The following ADAMTS12 variants were observed in gnomAD, a reference collection of about 807,000 sequenced individuals.
ADAMTS12 encodes ADAM metallopeptidase with thrombospondin type 1 motif 12, also known as A disintegrin and metalloproteinase with thrombospondin motifs 12.
A neutral mutation model predicts 167.8 loss-of-function variants in ADAMTS12; 118 were observed. The observed-to-expected ratio is 0.70, with a 90% CI of 0.61 to 0.82. ADAMTS12 has a LOEUF of 0.82. ADAMTS12 is among the 40% of genes least tolerant of loss of function. ADAMTS12 has a pLI of 0.00. For synonymous variants in ADAMTS12, 704 were observed against 716.9 expected (o/e 0.98, Z 0.29); for missense variants, 1,916 against 1,998.8 (o/e 0.96, Z 0.79).
At chr5:33,891,499 TAA>T (rs1251601374) in intron 1 of ADAMTS12, 3 of 570,010 alleles carry the variant, frequency 5.3e-6, no homozygotes, top group Admixed American at 6.3e-5. Flanking sequence ...GTCATCCCTG[TAA>T]AAGAGTGAGG....
chr5:33,638,036 C>A (rs1740277830), intron 11 of ADAMTS12, among the ~76,000 whole-genome samples: 1 of 152,152 alleles, frequency 6.6e-6, no homozygotes, highest in East Asian at 1.9e-4. Flanking sequence ...CGAGTATGCT[C>A]CTTCTCTGAT....
chr5:33,645,315 C>G (rs1392646666), intron 9 of ADAMTS12, among the ~76,000 whole-genome samples: 1 of 152,146 alleles, frequency 6.6e-6, no homozygotes, highest in Non-Finnish European at 1.5e-5. Flanking sequence ...CACTTCCCCA[C>G]TAGAAACTAG....
chr5:33,681,609 G>A (rs1223579699), intron 5 of ADAMTS12, among the ~76,000 whole-genome samples: 1 of 152,156 alleles, frequency 6.6e-6, no homozygotes, highest in East Asian at 1.9e-4. Flanking sequence ...CAAATACACA[G>A]AATCATGATG....
rs752212154 is a variant in ADAMTS12 at position 33,648,896 on chromosome 5, C to A, written c.1405G>T (p.Gly469Ter). 1.2e-6 allele frequency: 2 copies of A among 1,613,882 alleles called. No individual in the cohort carries two copies. The highest frequency in any genetic ancestry group is 2.7e-5 in the African/African-American group (2 of 74,884). The stretch of plus-strand genomic sequence containing the variant: ...TGGTGGTGAACATCATAGATCACTC[C>A]GGGGGCAATGACCTTGGACTTCAAG... ...KGLKSKVIAP[G>*]VIYDVHHQCQ... Residue 469 changes from glycine to a stop codon, truncating the protein, a stop_gained, in exon 9 of 24, where the codon GGA (glycine) becomes TGA (stop). Coordinates refer to ENST00000504830, the MANE Select transcript of ADAMTS12 (RefSeq NM_030955.4). LOFTEE classifies it high-confidence loss of function.
intron 22 of ADAMTS12, among the ~76,000 whole-genome samples, chr5:33,537,168 T>C (rs1464185981): frequency 1.3e-5 from 2 of 152,226 alleles, no homozygotes; most frequent in Non-Finnish European, 2.9e-5. Flanking sequence ...AACTATTTAT[T>C]GGGTGCCAAC....
At chr5:33,710,198 T>A (rs1313348812) in intron 3 of ADAMTS12, among the ~76,000 whole-genome samples, 1 of 152,210 alleles carries the variant, frequency 6.6e-6, no homozygotes, top group Non-Finnish European at 1.5e-5. Context: ...TTTAGAGTTT[T>A]AAATTTGGAA....
Position 33,539,900 on chromosome 5 carries a change from T to C in ADAMTS12, c.4447-4908A>G, listed in dbSNP as rs568944628. Among the ~76,000 whole-genome samples, 10 of 152,234 alleles carry C rather than the reference T, an allele frequency of 6.6e-5. No homozygotes were observed. The South Asian group carries it at 1.9e-3, about 29-fold the overall frequency. The stretch of plus-strand genomic sequence containing the variant: ...CGAGATCGACACAAGATGAGTAATT[T>C]CTGCATTTCCAACTGAGGTACCTGG... On this transcript the variant is annotated intron_variant, in intron 22 of 23. Coordinates refer to ENST00000504830, the MANE Select transcript of ADAMTS12 (RefSeq NM_030955.4).
At chr5:33,780,060 T>C (rs1388694056) in intron 2 of ADAMTS12, among the ~76,000 whole-genome samples, 1 of 152,208 alleles carries the variant, frequency 6.6e-6, no homozygotes, top group Non-Finnish European at 1.5e-5. Flanking sequence ...CATTTCACAA[T>C]GGATACAAAA....
At chr5:33,648,198 A>G (rs1042721233) in intron 9 of ADAMTS12, among the ~76,000 whole-genome samples, 2 of 152,228 alleles carry the variant, frequency 1.3e-5, no homozygotes, top group African/African-American at 4.8e-5. Context: ...GGACCCTAAC[A>G]GCAGAGTAGA....
intron 5 of ADAMTS12, 140 bp from the exon 6 acceptor site, chr5:33,662,180 G>A: frequency 9.7e-7 from 1 of 1,026,840 alleles, no homozygotes; most frequent in Non-Finnish European, 1.4e-6. Flanking sequence ...TCATGTGGCA[G>A]AGGCCAACTG....
intron 19 of ADAMTS12, among the ~76,000 whole-genome samples, chr5:33,566,606 C>T (rs1746028077): frequency 6.6e-6 from 1 of 152,140 alleles, no homozygotes; most frequent in African/African-American, 2.4e-5. Flanking sequence ...GAATATTCTT[C>T]TTATAGTTCT....
chr5:33,730,254 G>A lies in ADAMTS12; in HGVS notation c.634+21150C>T, dbSNP rs114830330. Among the ~76,000 whole-genome samples, 1,485 of 151,354 alleles carry A rather than the reference G, an allele frequency of 9.8e-3. 24 individuals are homozygous for A. Among genetic ancestry groups the A allele is most frequent in the African/African-American group, 0.035 (1,430 of 41,252 alleles). On this transcript the variant is annotated intron_variant, in intron 3 of 23. Transcript: ENST00000504830. The stretch of plus-strand genomic sequence containing the variant: ...TTGTATAAGTATCACTATTGTATAA[G>A]GTGCTGGTGCTATTATGAGATCAGA...
intron 19 of ADAMTS12, among the ~76,000 whole-genome samples, chr5:33,574,925 G>T (rs1746608725): frequency 6.6e-6 from 1 of 152,114 alleles, no homozygotes; most frequent in East Asian, 1.9e-4. Context: ...TGATTACTTT[G>T]CTGCAAAATC....
chr5:33,542,356 A>T (rs1744750210), intron 22 of ADAMTS12, among the ~76,000 whole-genome samples: 2 of 152,172 alleles, frequency 1.3e-5, no homozygotes, highest in South Asian at 4.1e-4. Context: ...AGAGACCTAC[A>T]AAGAGACTTA....
At chr5:33,872,782 G>C (rs1750089110) in intron 2 of ADAMTS12, among the ~76,000 whole-genome samples, 2 of 152,100 alleles carry the variant, frequency 1.3e-5, no homozygotes, top group Non-Finnish European at 2.9e-5. Flanking sequence ...GGTATTCAAG[G>C]CTAGTTCAAC....
intron 18 of ADAMTS12, among the ~76,000 whole-genome samples, chr5:33,582,945 T>C (rs1405146700): frequency 6.6e-6 from 1 of 152,242 alleles, no homozygotes; most frequent in Non-Finnish European, 1.5e-5. Flanking sequence ...TCATAGAGAA[T>C]GGGGTATCCA....
intron 18 of ADAMTS12, among the ~76,000 whole-genome samples, chr5:33,585,673 C>T (rs1184478090): frequency 6.6e-6 from 1 of 152,208 alleles, no homozygotes; most frequent in Non-Finnish European, 1.5e-5. Flanking sequence ...CCCTTCTTTA[C>T]CCTTTAAGTC....
At chr5:33,557,273 A>T (rs1745527807) in intron 20 of ADAMTS12, among the ~76,000 whole-genome samples, 1 of 152,194 alleles carries the variant, frequency 6.6e-6, no homozygotes, top group African/African-American at 2.4e-5. Flanking sequence ...TCCAGGTAAA[A>T]TTAGAATTTT....
intron 1 of ADAMTS12, among the ~76,000 whole-genome samples, chr5:33,884,918 T>C (rs962006097): frequency 3.9e-5 from 6 of 152,174 alleles, no homozygotes; most frequent in Non-Finnish European, 7.3e-5. Flanking sequence ...CCAGACTGAC[T>C]GATTTAAAGG....
Sources: allele counts gnomAD v4.1 joint callset (sites outside exome capture counted in the v4.1 genomes callset), GRCh38; gene constraint gnomAD v4.1.1; transcripts MANE v1.5; gene names NCBI Gene and HGNC (gene_info 2026-07-23, HGNC 2026-07-21).